The following TET3 variants were observed in gnomAD, a reference collection of about 807,000 sequenced individuals.
The protein encoded by TET3 is methylcytosine dioxygenase TET3.
TET3 carries 19 observed loss-of-function variants against 141.4 expected under a neutral mutation model. That is an observed-to-expected ratio of 0.13 (90% confidence interval 0.09 to 0.20). The LOEUF is 0.20. TET3 is among the 10% of genes least tolerant of loss of function. The probability of loss-of-function intolerance (pLI) is 1.00; values close to 1 mark genes in which losing one functional copy is unlikely to be tolerated. For missense variants in TET3, 1,874 were observed against 2,356.9 expected (o/e 0.80, Z 4.24); for synonymous variants, 1,043 against 980.9 (o/e 1.06, Z -1.18).
At chr2:74,117,536 A>G in the TET3 span, among the ~76,000 whole-genome samples, 1 of 152,094 alleles carries the variant, frequency 6.6e-6, no homozygotes, top group Non-Finnish European at 1.5e-5. Context: ...ATGGGATTAC[A>G]GACCTTTTGA....
chr2:74,068,017 T>C (rs1425234121), intron 4 of TET3, among the ~76,000 whole-genome samples: 4 of 152,122 alleles, frequency 2.6e-5, no homozygotes, highest in Non-Finnish European at 4.4e-5. Flanking sequence ...TTAGGAGGGC[T>C]CAGACCAACT....
chr2:74,117,794 G>A, the TET3 span, among the ~76,000 whole-genome samples: 2 of 152,068 alleles, frequency 1.3e-5, no homozygotes, highest in Non-Finnish European at 2.9e-5. Flanking sequence ...CGCCCAGGCT[G>A]GAACGCAATG....
At chr2:73,989,560 G>A (rs1684221157) in intron 2 of TET3, among the ~76,000 whole-genome samples, 1 of 152,034 alleles carries the variant, frequency 6.6e-6, no homozygotes, top group African/African-American at 2.4e-5. Context: ...AAGGGTGCAG[G>A]GGAATCCCTC....
At chr2:74,111,550 A>G (rs1691705779), downstream of TET3, among the ~76,000 whole-genome samples, 1 of 152,242 alleles carries the variant, frequency 6.6e-6, no homozygotes, top group South Asian at 2.1e-4. Flanking sequence ...ACTCTGGGGA[A>G]CACCATTCAT....
intron 3 of TET3, among the ~76,000 whole-genome samples, chr2:74,004,196 G>T (rs1685027691): frequency 6.6e-6 from 1 of 152,148 alleles, no homozygotes; most frequent in African/African-American, 2.4e-5. Context: ...TCCTGCCCCT[G>T]CCTCAGCCCA....
chr2:74,040,566 A>G (rs748334655), intron 3 of TET3, among the ~76,000 whole-genome samples: 3 of 152,112 alleles, frequency 2.0e-5, no homozygotes, highest in Non-Finnish European at 4.4e-5. Flanking sequence ...GGCTTACGGC[A>G]TGGTCTAGGG....
intron 4 of TET3, among the ~76,000 whole-genome samples, chr2:74,054,141 T>C (rs1208032704): frequency 6.6e-6 from 1 of 151,758 alleles, no homozygotes; most frequent in Non-Finnish European, 1.5e-5. Flanking sequence ...GTGACGGGTG[T>C]GGAGGATGAA....
At position 74,101,580 on chromosome 2, in the gene TET3, T is replaced by A; in HGVS notation, c.4792T>A (p.Ser1598Thr). The A allele has an allele frequency of 6.2e-7, 1 of 1,609,214 alleles. No individual in the cohort carries two copies. Among genetic ancestry groups the A allele is most frequent in the Non-Finnish European group, 8.5e-7 (1 of 1,177,660 alleles). Residue 1598 changes from serine (S) to threonine (T), a missense_variant, in exon 12 of 12, where the codon TCA (serine) becomes ACA (threonine). By Grantham distance (58) the Ser-to-Thr change is moderately conservative (BLOSUM62 1). Coordinates refer to ENST00000409262, the MANE Select transcript of TET3 (RefSeq NM_001287491.2). This position sits in a 1 kb window ranked among gnomAD's most constrained non-coding sequence, Gnocchi z 8.5. The part of the protein sequence containing the change: ...SSEKLFGALK[S>T]EEKLWDPFSL... ...CGAGAAGCTGTTTGGGGCTCTGAAG[T>A]CAGAGGAGAAGCTGTGGGACCCCTT...
chr2:74,047,250 A>G lies in TET3; in HGVS notation c.1333A>G (p.Thr445Ala). 6.2e-7 allele frequency: 1 copy of G among 1,613,792 alleles called. No individual in the cohort carries two copies. Among genetic ancestry groups the G allele is most frequent in the South Asian group, 1.1e-5 (1 of 91,074 alleles). The change falls in exon 4 of 12, where the codon ACG becomes GCG. Residue 445 changes from threonine (T) to alanine (A), a missense_variant. Physicochemically the swap from Thr to Ala is moderately conservative, Grantham distance 58. Coordinates refer to ENST00000409262, the MANE Select transcript of TET3 (RefSeq NM_001287491.2). ...CTGGGGCACTGACACCCCTCCAGCA[A>G]CGCCCCGGAGCTCCTGGCCCATGCC... ...EAWGTDTPPA[T>A]PRSSWPMPRP...
the TET3 span, among the ~76,000 whole-genome samples, chr2:74,126,368 A>G: frequency 1.3e-5 from 2 of 152,224 alleles, no homozygotes; most frequent in African/African-American, 4.8e-5. Flanking sequence ...TATTCAGCTC[A>G]CACTTTCCTA....
chr2:73,988,659 C>A (rs1204969861), intron 2 of TET3, among the ~76,000 whole-genome samples: 1 of 152,162 alleles, frequency 6.6e-6, no homozygotes, highest in African/African-American at 2.4e-5. Flanking sequence ...CCTCTCTAAG[C>A]CCCAGGGTCA....
chr2:74,039,089 A>G (rs115224302), intron 3 of TET3, among the ~76,000 whole-genome samples: 273 of 152,324 alleles, frequency 1.8e-3, no homozygotes, highest in African/African-American at 6.4e-3. Flanking sequence ...GTCTTCTGCA[A>G]GATGCCTGAA....
At chr2:74,075,320 CTTTTTTTT>C (rs971111434) in intron 5 of TET3, among the ~76,000 whole-genome samples, 10 of 89,078 alleles carry the variant, frequency 1.1e-4, no homozygotes, top group Non-Finnish European at 2.3e-4. Flanking sequence ...GAGCCAAATA[CTTTTTTTT>C]TTTTTTTTTT....
chr2:73,995,021 C>T (rs551953212), intron 2 of TET3, among the ~76,000 whole-genome samples: 3 of 152,020 alleles, frequency 2.0e-5, no homozygotes, highest in South Asian at 2.1e-4. Context: ...AGTACAGTGG[C>T]GTGATCTCAG....
chr2:74,045,547 T>G (rs1285244736), intron 3 of TET3, among the ~76,000 whole-genome samples: 1 of 152,228 alleles, frequency 6.6e-6, no homozygotes, highest in Non-Finnish European at 1.5e-5. Context: ...GTGGCTCTCG[T>G]GCTTGGGGAG....
Position 74,047,111 on chromosome 2 carries a change from G to C in TET3, c.1194G>C (p.Gln398His), listed in dbSNP as rs969102952. Reference sequence around the variant, plus strand: ...CTCCTGCCCCTTTCAGATCTCCCCAGTCTTACCTCCGGGCTCCCTCATGGC... The same window carrying C: ...CTCCTGCCCCTTTCAGATCTCCCCACTCTTACCTCCGGGCTCCCTCATGGC... ...LSPPAPFRSP[Q>H]SYLRAPSWPV... The change falls in exon 4 of 12, where the codon CAG (glutamine) becomes CAC (histidine). Residue 398 changes from glutamine to histidine, a missense_variant. Around this residue, in one of 10 missense-constraint regions of TET3, gnomAD observed 484 missense variants for 462.2 expected, o/e 1.05. Coordinates refer to ENST00000409262, the MANE Select transcript of TET3 (RefSeq NM_001287491.2). 10 of 1,613,796 alleles carry C rather than the reference G, an allele frequency of 6.2e-6. No individual in the cohort carries two copies. In the African/African-American group the frequency reaches 1.3e-4, roughly 22 times the overall value.
At chr2:74,116,131 A>T in the TET3 span, among the ~76,000 whole-genome samples, 5 of 152,278 alleles carry the variant, frequency 3.3e-5, no homozygotes, top group Middle Eastern at 3.4e-3. Context: ...ATCACTAATC[A>T]TCAGGGAAAT....
chr2:74,072,399 C>G (rs1689258785), intron 4 of TET3, among the ~76,000 whole-genome samples: 1 of 151,870 alleles, frequency 6.6e-6, no homozygotes, highest in African/African-American at 2.4e-5. Flanking sequence ...ATAATCCCAG[C>G]TACTTGGGAG....
chr2:74,053,824 T>G (rs1272628272), intron 4 of TET3, among the ~76,000 whole-genome samples: 1 of 152,024 alleles, frequency 6.6e-6, no homozygotes, highest in East Asian at 1.9e-4. Flanking sequence ...TCTATGAGAA[T>G]GTATCACACA....
Sources: allele counts gnomAD v4.1 joint callset (sites outside exome capture counted in the v4.1 genomes callset), GRCh38; gene constraint gnomAD v4.1.1; regional missense constraint gnomAD v4.1.1; non-coding constraint Gnocchi (gnomAD v3.1); transcripts MANE v1.5; gene names NCBI Gene and HGNC (gene_info 2026-07-23, HGNC 2026-07-21).